Variants in ATRNL1 observed in about 807,000 individuals in gnomAD.
ATRNL1 encodes attractin-like protein 1.
A neutral mutation model predicts 182.7 loss-of-function variants in ATRNL1; 95 were observed. The observed-to-expected ratio is 0.52, with a 90% CI of 0.44 to 0.62. The LOEUF (loss-of-function observed/expected upper bound fraction) is 0.62. ATRNL1 is among the 20% of genes least tolerant of loss of function. ATRNL1 has a pLI of 0.00. For synonymous variants in ATRNL1, 576 were observed against 568.3 expected (o/e 1.01, Z -0.19); for missense variants, 1,471 against 1,679.5 (o/e 0.88, Z 2.17).
Position 115,299,968 on chromosome 10 carries a change from G to C in ATRNL1, c.2416-66G>C, listed in dbSNP as rs80310937. On this transcript the variant is annotated intron_variant, in intron 15 of 28. Coordinates refer to ENST00000355044, the MANE Select transcript of ATRNL1 (RefSeq NM_207303.4). ...AATTTTTAATGATAGTGAACTATTT[G>C]CTAAGGAATATGCCATATTTTTACA... is the stretch of plus-strand genomic sequence containing the variant. 9.2e-3 allele frequency: 10,762 copies of C among 1,168,298 alleles called. 665 individuals carry two copies. The African/African-American group carries it at 0.14, about 15-fold the overall frequency. The allele number at this position is 1,168,298 out of a possible 1,614,324, so 72.4% of individuals were successfully genotyped here. A position where few individuals can be genotyped will look rare whatever the true frequency, so the allele number is the denominator to read the frequency against.
intron 28 of ATRNL1, among the ~76,000 whole-genome samples, chr10:115,851,091 G>A (rs570943227): frequency 6.6e-6 from 1 of 150,836 alleles, no homozygotes; most frequent in East Asian, 2.0e-4. Flanking sequence ...TTTTTTGTCA[G>A]GCTCCTTGTT....
chr10:115,422,104 C>T (rs1469602310), intron 20 of ATRNL1, among the ~76,000 whole-genome samples: 2 of 152,060 alleles, frequency 1.3e-5, no homozygotes, highest in African/African-American at 2.4e-5. Context: ...GAAGGATAAC[C>T]TAGATACCAT....
intron 28 of ATRNL1, among the ~76,000 whole-genome samples, chr10:115,850,596 T>C (rs1385174590): frequency 6.6e-6 from 1 of 152,170 alleles, no homozygotes; most frequent in African/African-American, 2.4e-5. Flanking sequence ...ATTCTGTGTC[T>C]TCACAGAAAG....
intron 10 of ATRNL1, among the ~76,000 whole-genome samples, chr10:115,255,843 C>T (rs946332312): frequency 1.3e-5 from 2 of 152,068 alleles, no homozygotes; most frequent in African/African-American, 4.8e-5. Flanking sequence ...AGTTTTTAGC[C>T]TGAAGGGCTG....
chr10:115,191,099 T>C (rs116001098), intron 8 of ATRNL1, among the ~76,000 whole-genome samples: 1,789 of 152,270 alleles, frequency 0.012, 34 homozygotes, highest in African/African-American at 0.04. Flanking sequence ...ATGCATAGAA[T>C]TTTCTTCTCA....
At chr10:115,143,426 T>A (rs1845832392) in intron 5 of ATRNL1, among the ~76,000 whole-genome samples, 1 of 151,648 alleles carries the variant, frequency 6.6e-6, no homozygotes, top group Non-Finnish European at 1.5e-5. Flanking sequence ...TTTTTTTTTA[T>A]AGTGTGTATT....
intron 26 of ATRNL1, among the ~76,000 whole-genome samples, chr10:115,672,906 G>C (rs1945744351): frequency 6.6e-6 from 1 of 152,048 alleles, no homozygotes; most frequent in Non-Finnish European, 1.5e-5. Context: ...TGACGTTATA[G>C]TATTTTTTCC....
At chr10:115,617,506 T>G (rs1347004350) in intron 26 of ATRNL1, among the ~76,000 whole-genome samples, 1 of 152,072 alleles carries the variant, frequency 6.6e-6, no homozygotes, top group Non-Finnish European at 1.5e-5. Flanking sequence ...ATTACAGGCA[T>G]GCACCACCAC....
At chr10:115,340,476 C>CTTTTTTTTTT (rs1430940795) in intron 19 of ATRNL1, among the ~76,000 whole-genome samples, 193 of 94,888 alleles carry the variant, frequency 2.0e-3, no homozygotes, top group Middle Eastern at 9.6e-3. Flanking sequence ...CTTTTCTTTT[C>CTTTTTTTTTT]TTTTTTTTTT....
intron 25 of ATRNL1, among the ~76,000 whole-genome samples, chr10:115,522,293 T>A (rs551341642): frequency 1.8e-3 from 268 of 152,252 alleles, no homozygotes; most frequent in Non-Finnish European, 2.0e-3. Flanking sequence ...GGTGAGGGTA[T>A]CAAACTGCTT....
At chr10:115,660,711 G>T (rs975798244) in intron 26 of ATRNL1, among the ~76,000 whole-genome samples, 1 of 152,096 alleles carries the variant, frequency 6.6e-6, no homozygotes, top group Non-Finnish European at 1.5e-5. Context: ...GATTAGAGAA[G>T]TAAGAGATGA....
chr10:115,412,514 A>G (rs782095007), intron 20 of ATRNL1, among the ~76,000 whole-genome samples: 5 of 152,200 alleles, frequency 3.3e-5, no homozygotes, highest in Non-Finnish European at 5.9e-5. Context: ...TACCAAATTT[A>G]TGTATTTTTA....
chr10:115,673,901 C>A (rs1245976244), intron 26 of ATRNL1, among the ~76,000 whole-genome samples: 1 of 151,958 alleles, frequency 6.6e-6, no homozygotes, highest in Non-Finnish European at 1.5e-5. Flanking sequence ...AACACTGACT[C>A]TCTGGAAAAT....
chr10:115,710,005 C>G (rs1186569916), intron 26 of ATRNL1, among the ~76,000 whole-genome samples: 6 of 151,988 alleles, frequency 3.9e-5, no homozygotes, highest in Non-Finnish European at 7.4e-5. Context: ...GACAAGCACT[C>G]TGTCCTATTT....
At chr10:115,372,628 C>A (rs1857456690) in intron 19 of ATRNL1, among the ~76,000 whole-genome samples, 1 of 152,116 alleles carries the variant, frequency 6.6e-6, no homozygotes, top group Non-Finnish European at 1.5e-5. Context: ...ATTGAAGAGG[C>A]TATCCTTTCC....
intron 28 of ATRNL1, among the ~76,000 whole-genome samples, chr10:115,916,620 C>T (rs567300010): frequency 6.6e-6 from 1 of 152,306 alleles, no homozygotes; most frequent in East Asian, 1.9e-4. Context: ...TACTCATTTC[C>T]ATTGTGTAAT....
At chr10:115,683,538 G>A (rs1162386148) in intron 26 of ATRNL1, among the ~76,000 whole-genome samples, 1 of 119,058 alleles carries the variant, frequency 8.4e-6, no homozygotes, top group Non-Finnish European at 1.7e-5. Context: ...GGAAGAAGAA[G>A]AGAACTAGCG....
At chr10:115,792,695 A>G (rs1412006069) in intron 27 of ATRNL1, among the ~76,000 whole-genome samples, 2 of 151,986 alleles carry the variant, frequency 1.3e-5, no homozygotes, top group African/African-American at 4.8e-5. Context: ...TGAAAAAAAT[A>G]TAAGTTTTTC....
intron 9 of ATRNL1, among the ~76,000 whole-genome samples, chr10:115,219,038 C>T (rs1287577402): frequency 6.6e-6 from 1 of 151,966 alleles, no homozygotes; most frequent in African/African-American, 2.4e-5. Context: ...AGTTTGAGAC[C>T]AGCCTGGCCA....
Sources: gnomAD v4.1 joint callset for allele counts (sites outside exome capture counted in the v4.1 genomes callset) on GRCh38, gnomAD v4.1.1 for gene constraint, MANE v1.5 for transcripts, NCBI Gene and HGNC (gene_info 2026-07-23, HGNC 2026-07-21) for gene names.